RBM41: variants seen among roughly 807,000 people sequenced by gnomAD.
RBM41 encodes RNA-binding protein 41.
In RBM41, 14 loss-of-function variants were observed where a neutral mutation model predicts 30.8. That is an observed-to-expected ratio of 0.45 (90% confidence interval 0.30 to 0.71). The LOEUF is 0.71. Ranked by LOEUF, RBM41 falls within the 30% of genes least tolerant of loss-of-function variation. The pLI is 0.08. For synonymous variants in RBM41, 120 were observed against 110.1 expected (o/e 1.09, Z -0.56); for missense variants, 276 against 326.3 (o/e 0.85, Z 1.19).
chrX:107,067,842 C>A, intron 7 of RBM41, 149 bp from the exon 8 acceptor site: 1 of 681,611 alleles, frequency 1.5e-6, no homozygotes, highest in Non-Finnish European at 2.0e-6. Flanking sequence ...TATAATCTCC[C>A]ATTTGCATTA....
chrX:107,116,917 C>T (rs1192002926), intron 1 of RBM41, 151 bp from the exon 2 acceptor site: 1 of 556,036 alleles, frequency 1.8e-6, no homozygotes, highest in Non-Finnish European at 2.8e-6. Flanking sequence ...AGTCCATGAA[C>T]ACTTACTAAA....
chrX:107,117,259 C>T (rs1341202474), intron 1 of RBM41, among the ~76,000 whole-genome samples: 1 of 111,774 alleles, frequency 8.9e-6, no homozygotes, highest in Non-Finnish European at 1.9e-5. Flanking sequence ...GTAATATATA[C>T]TGAAGGATAA....
intron 6 of RBM41, chrX:107,070,352 T>C (rs1393047094): frequency 6.0e-6 from 2 of 331,013 alleles, no homozygotes; most frequent in South Asian, 5.2e-5. Context: ...TTTTCTGCCA[T>C]TTGGCTCCTA....
chrX:107,076,277 ACTGTATTC>A (rs1269432550), intron 6 of RBM41, among the ~76,000 whole-genome samples: 1 of 108,814 alleles, frequency 9.2e-6, no homozygotes, highest in East Asian at 2.8e-4. Context: ...AGATCGCACC[ACTGTATTC>A]CAGCTCAGAC....
chrX:107,118,708 CAAAAG>C, intron 1 of RBM41, 53 bp downstream of exon 1: 1 of 1,205,214 alleles, frequency 8.3e-7, no homozygotes, highest in East Asian at 3.0e-5. Context: ...AAGCCATTTT[CAAAAG>C]AAAAGGTAGA....
chrX:107,106,198 A>T (rs1314257179), intron 5 of RBM41, among the ~76,000 whole-genome samples: 31 of 112,184 alleles, frequency 2.8e-4, no homozygotes, highest in Non-Finnish European at 5.6e-4. Flanking sequence ...CGCATCAAAA[A>T]GTGGGCGAAG....
At chrX:107,058,570 T>C (rs1602530355), downstream of RBM41, among the ~76,000 whole-genome samples, 1 of 111,282 alleles carries the variant, frequency 9.0e-6, no homozygotes, top group African/African-American at 3.3e-5. Context: ...AGACAGTGTA[T>C]GGTAGAGCCA....
intron 5 of RBM41, among the ~76,000 whole-genome samples, chrX:107,092,085 A>G (rs1318393150): frequency 1.8e-5 from 2 of 111,845 alleles, no homozygotes. Flanking sequence ...TTTTCTATGT[A>G]TTGTTAAATT....
intron 5 of RBM41, among the ~76,000 whole-genome samples, chrX:107,093,756 C>T (rs774040314): frequency 6.3e-5 from 7 of 111,280 alleles, no homozygotes; most frequent in South Asian, 3.7e-4. Context: ...AATAAATCAA[C>T]GCAATAGAAA....
chrX:107,067,338 A>T lies in RBM41; in HGVS notation c.*189T>A. The T allele has an allele frequency of 9.7e-7, 1 of 1,032,728 alleles. No individual in the cohort carries two copies. Among genetic ancestry groups the T allele is most frequent in the Admixed American group, 3.6e-5 (1 of 27,665 alleles). The allele number at this position is 1,032,728 out of a possible 1,213,427, so 85.1% of individuals were successfully genotyped here. On this transcript the variant is annotated 3_prime_UTR_variant, in exon 8 of 8. Transcript: ENST00000685964. The stretch of plus-strand genomic sequence containing the variant: ...TCATACTCAGCATATCATCTGTCCT[A>T]TATAGTCTTCAATTATATAATAGAA...
intron 6 of RBM41, among the ~76,000 whole-genome samples, chrX:107,085,523 C>T (rs1921960913): frequency 9.0e-6 from 1 of 111,141 alleles, no homozygotes; most frequent in African/African-American, 3.3e-5. Flanking sequence ...TGGCCTCGGC[C>T]TCCCAAAGTG....
At chrX:107,067,723 C>T in intron 7 of RBM41, 30 bp from the exon 8 acceptor site, 1 of 1,162,707 alleles carries the variant, frequency 8.6e-7, no homozygotes, top group Admixed American at 2.5e-5. Flanking sequence ...TTTCAATTTA[C>T]ATAGGACTTA....
At chrX:107,097,617 C>T (rs763789381) in intron 5 of RBM41, among the ~76,000 whole-genome samples, 145 of 111,872 alleles carry the variant, frequency 1.3e-3, no homozygotes, top group African/African-American at 4.4e-3. Context: ...TCCTCAGCCA[C>T]GCAGAACTGT....
At chrX:107,071,198 AT>A (rs1275387476) in intron 6 of RBM41, among the ~76,000 whole-genome samples, 2 of 97,944 alleles carry the variant, frequency 2.0e-5, no homozygotes, top group East Asian at 6.6e-4. Context: ...ATATCAAAGT[AT>A]ATCACTACAA....
chrX:107,070,454 T>C (rs745359237), intron 6 of RBM41: 2 of 275,710 alleles, frequency 7.3e-6, no homozygotes, highest in South Asian at 3.5e-5. Flanking sequence ...AAATACTGAC[T>C]TGGGATGAGG....
At chrX:107,077,664 T>C (rs1349888033) in intron 6 of RBM41, among the ~76,000 whole-genome samples, 1 of 106,000 alleles carries the variant, frequency 9.4e-6, no homozygotes, top group Admixed American at 1.0e-4. Context: ...AGAAAAACAG[T>C]GCCTCCAAGT....
intron 5 of RBM41, among the ~76,000 whole-genome samples, chrX:107,101,912 C>G (rs138546571): frequency 2.0e-4 from 22 of 111,333 alleles, no homozygotes; most frequent in Middle Eastern, 9.2e-3. Context: ...ATGGTAAAAG[C>G]CTATATTACA....
downstream of RBM41, among the ~76,000 whole-genome samples, chrX:107,061,041 C>T (rs1332421686): frequency 3.6e-5 from 4 of 110,993 alleles, no homozygotes; most frequent in Admixed American, 9.6e-5. Flanking sequence ...TATAACTGAC[C>T]AGTATAGTAC....
At chrX:107,080,253 AC>A (rs760248468) in intron 6 of RBM41, among the ~76,000 whole-genome samples, 4 of 108,825 alleles carry the variant, frequency 3.7e-5, no homozygotes, top group African/African-American at 6.8e-5. Context: ...AAAGTCCCAG[AC>A]TTCATGACTG....
Sources: gnomAD v4.1 joint callset for allele counts (sites outside exome capture counted in the v4.1 genomes callset) on GRCh38, gnomAD v4.1.1 for gene constraint, MANE v1.5 for transcripts, NCBI Gene and HGNC (gene_info 2026-07-23, HGNC 2026-07-21) for gene names.